The following CXXC1 variants were observed in gnomAD, a reference collection of about 807,000 sequenced individuals.
CXXC1 encodes CXXC-type zinc finger protein 1.
A neutral mutation model predicts 83.6 loss-of-function variants in CXXC1; 21 were observed. The observed-to-expected ratio is 0.25, with a 90% CI of 0.18 to 0.36. The LOEUF is 0.36. Ranked by LOEUF, CXXC1 falls within the 10% of genes least tolerant of loss-of-function variation. The pLI, the probability that CXXC1 is intolerant of heterozygous loss-of-function variation, is 1.00. For missense variants in CXXC1, 688 were observed against 919.5 expected, an observed-to-expected ratio of 0.75 and a Z score of 3.26; for synonymous variants, 371 against 337.5, an observed-to-expected ratio of 1.10 and a Z score of -1.09.
In CXXC1 at chr18:50,286,326, C is replaced by T. The variant is rs541931577; in HGVS notation, c.224-69G>A. The T allele has an allele frequency of 2.6e-5, 37 of 1,419,858 alleles. No homozygotes were observed. The African/African-American group carries it at 4.7e-4, about 18-fold the overall frequency. 88.0% of individuals were successfully genotyped at this position (1,419,858 alleles called of 1,614,324 possible). ...GCTTGAATGGTCCCAAAACCTCTTTCTTCCTCTTCGCTCCCTTACTGACCC... is the reference window on the plus strand; with the variant it reads ...GCTTGAATGGTCCCAAAACCTCTTTTTTCCTCTTCGCTCCCTTACTGACCC... On this transcript the variant is annotated intron_variant, in intron 3 of 14. Coordinates refer to ENST00000285106, the MANE Select transcript of CXXC1 (RefSeq NM_014593.4).
intron 13 of CXXC1, 113 bp downstream of exon 13, chr18:50,283,152 G>A (rs2040603366): frequency 7.1e-6 from 9 of 1,273,872 alleles, no homozygotes; most frequent in Non-Finnish European, 9.0e-6. Flanking sequence ...GAAGCAGCAG[G>A]GAAGCTGAGA....
chr18:50,282,575 G>C lies in CXXC1; in HGVS notation c.*18C>G. 1.2e-6 allele frequency: 2 copies of C among 1,604,346 alleles called. No individual in the cohort carries two copies. The highest frequency in any genetic ancestry group is 1.7e-6 in the Non-Finnish European group (2 of 1,179,872). On this transcript the variant is annotated 3_prime_UTR_variant, in exon 15 of 15. Transcript: ENST00000285106. This position sits in a 1 kb window ranked among gnomAD's most constrained non-coding sequence, Gnocchi z 5.8. ...CCCCATCTGGAATGCAGGGTGTAAG[G>C]GGTCCGGGCCAGGAGGCTCAGCGGT...
chr18:50,283,987 G>A lies in CXXC1; in HGVS notation c.1320C>T (p.Ala440=), dbSNP rs781322517. 4 of 1,613,578 alleles carry A rather than the reference G, an allele frequency of 2.5e-6. No homozygotes were observed. The highest frequency in any genetic ancestry group is 1.1e-5 in the South Asian group (1 of 91,076). The change falls in exon 10 of 15, where the codon GCC becomes GCT. Residue 440 remains alanine, a synonymous_variant. Coordinates refer to ENST00000285106, the MANE Select transcript of CXXC1 (RefSeq NM_014593.4). ...LERIRREQQS[A]RTRLQEMERR... ...GTTCCATTTCCTGAAGGCGAGTGCG[G>A]GCACTCTGCTGCTCTCGGCGAATGC...
chr18:50,283,483 C>T, intron 12 of CXXC1, 32 bp downstream of exon 12: 1 of 1,613,472 alleles, frequency 6.2e-7, no homozygotes, highest in Non-Finnish European at 8.5e-7. Flanking sequence ...GCCTTAACCC[C>T]CCACCTCTCA....
rs762294170 is a variant in CXXC1 at position 50,286,180 on chromosome 18, C to T, written c.301G>A (p.Glu101Lys). The T allele has an allele frequency of 3.1e-6, 5 of 1,613,718 alleles. No individual in the cohort carries two copies. The highest frequency in any genetic ancestry group is 2.7e-5 in the African/African-American group (2 of 74,902). The change falls in exon 4 of 15, where the codon GAG becomes AAG. Residue 101 changes from glutamate to lysine, a missense_variant. By Grantham distance (56) the Glu-to-Lys change is moderately conservative (BLOSUM62 1). Around this residue, in one of 9 missense-constraint regions of CXXC1, gnomAD observed 142 missense variants for 150.7 expected, o/e 0.94. Coordinates refer to ENST00000285106, the MANE Select transcript of CXXC1 (RefSeq NM_014593.4). ...CGCCCTCCACCCTCATCCCGGGGCT[C>T]ACTGCTGTCCCGCTCATTGCCATCC... ...ERDGNERDSSEPRDEGGGRKR... is the reference protein window; with the variant it reads ...ERDGNERDSSKPRDEGGGRKR...
rs545734812 is a variant in CXXC1 at position 50,285,582 on chromosome 18, A to C, written c.639+167T>G. On this transcript the variant is annotated intron_variant, in intron 5 of 14. Transcript: ENST00000285106. This position sits in a 1 kb window ranked among gnomAD's most constrained non-coding sequence, Gnocchi z 4.4. ...GGTGGGGGTGTTCTGCCAGCCCAGC[A>C]TACCAGGTCATGCCCCATTCATCTG... The C allele has an allele frequency of 4.9e-6, 5 of 1,023,506 alleles. No individual in the cohort carries two copies. In the East Asian group the frequency reaches 1.3e-4, roughly 26 times the overall value. 63.4% of individuals were successfully genotyped at this position (1,023,506 alleles called of 1,614,324 possible).
chr18:50,284,184 G>C, intron 9 of CXXC1, 83 bp from the exon 10 acceptor site: 5 of 1,498,666 alleles, frequency 3.3e-6, no homozygotes, highest in Non-Finnish European at 4.6e-6. Context: ...GGCAAAAGGA[G>C]AAGTAAATAG....
Position 50,285,463 on chromosome 18 carries a change from C to T in CXXC1, c.640-112G>A. ...CCTCCCCAGACACACCTCCCCGCTACCCCTCATTGCCAGGAATGCTCAGCC... is the reference window on the plus strand; with the variant it reads ...CCTCCCCAGACACACCTCCCCGCTATCCCTCATTGCCAGGAATGCTCAGCC... On this transcript the variant is annotated intron_variant, in intron 5 of 14. Transcript: ENST00000285106. The surrounding 1 kb of genome is among the most constrained non-coding windows in gnomAD (Gnocchi z 4.4). 3 of 1,294,182 alleles carry T rather than the reference C, an allele frequency of 2.3e-6. No individual in the cohort carries two copies. Among genetic ancestry groups the T allele is most frequent in the South Asian group, 3.0e-5 (2 of 66,856 alleles). The allele number at this position is 1,294,182 out of a possible 1,614,324, so 80.2% of individuals were successfully genotyped here.
chr18:50,286,414 C>T (rs1436804980), intron 3 of CXXC1, 125 bp downstream of exon 3: 4 of 1,066,100 alleles, frequency 3.8e-6, no homozygotes, highest in Non-Finnish European at 5.6e-6. Context: ...TCTTCTATTA[C>T]TCACAATGGA....
chr18:50,285,618 G>T lies in CXXC1; in HGVS notation c.639+131C>A. On this transcript the variant is annotated intron_variant, in intron 5 of 14. Coordinates refer to ENST00000285106, the MANE Select transcript of CXXC1 (RefSeq NM_014593.4). The surrounding 1 kb of genome is among the most constrained non-coding windows in gnomAD (Gnocchi z 4.4). The stretch of plus-strand genomic sequence containing the variant: ...TGCCCCATTCATCTGGACATGACAG[G>T]CCCCTTCCCACCTGTCAGGATACAG... 1 of 1,216,040 alleles carries T rather than the reference G, an allele frequency of 8.2e-7. No individual in the cohort carries two copies. The highest frequency in any genetic ancestry group is 1.2e-6 in the Non-Finnish European group (1 of 860,906). The allele number at this position is 1,216,040 out of a possible 1,614,324, so 75.3% of individuals were successfully genotyped here.
rs763612190 is a variant in CXXC1, at chr18:50,283,711, G to A, written c.1518C>T (p.Tyr506=). 35 of 1,613,964 alleles carry A rather than the reference G, an allele frequency of 2.2e-5. No homozygotes were observed. The highest frequency in any genetic ancestry group is 8.3e-5 in the Admixed American group (5 of 60,004). ...CTCAGTCTGACACCCCAACCTTGGC[G>A]TAGCAGCGCTCCATGTGGCGCAAGG... ...RVALRHMERC[Y]AKYESQTSFG... The change falls in exon 11 of 15, where the codon TAC becomes TAT. Residue 506 remains tyrosine, a synonymous_variant. Coordinates refer to ENST00000285106, the MANE Select transcript of CXXC1 (RefSeq NM_014593.4).
chr18:50,282,563 GC>G lies in CXXC1; in HGVS notation c.*29del. On this transcript the variant is annotated 3_prime_UTR_variant, in exon 15 of 15. Transcript: ENST00000285106. This position sits in a 1 kb window ranked among gnomAD's most constrained non-coding sequence, Gnocchi z 5.8. Reference sequence around the variant, plus strand: ...ACCGGGCGGCTCCCCCATCTGGAATGCAGGGTGTAAGGGGTCCGGGCCAGGA... The same window carrying G: ...ACCGGGCGGCTCCCCCATCTGGAATGAGGGTGTAAGGGGTCCGGGCCAGGA... 1 of 1,600,960 alleles carries G rather than the reference GC, an allele frequency of 6.2e-7. No homozygotes were observed. Among genetic ancestry groups the G allele is most frequent in the South Asian group, 1.1e-5 (1 of 91,016 alleles).
At position 50,285,414 on chromosome 18, in the gene CXXC1, C is replaced by A. The variant is rs2040698230; in HGVS notation, c.640-63G>T. 6.5e-7 allele frequency: 1 copy of A among 1,531,784 alleles called. No homozygotes were observed. The highest frequency in any genetic ancestry group is 2.3e-5 in the East Asian group (1 of 44,116). The allele number at this position is 1,531,784 out of a possible 1,614,324, so 94.9% of individuals were successfully genotyped here. A position where few individuals can be genotyped will look rare whatever the true frequency, so the allele number is the denominator to read the frequency against. On this transcript the variant is annotated intron_variant, in intron 5 of 14. Coordinates refer to ENST00000285106, the MANE Select transcript of CXXC1 (RefSeq NM_014593.4). The surrounding 1 kb of genome is among the most constrained non-coding windows in gnomAD (Gnocchi z 4.4). ...TGGATGGAGGGCGGCCTTGCCCTAG[C>A]CCTACCCACCTGGCCTGGCCTTACC...
Position 50,285,553 on chromosome 18 carries a change from G to T in CXXC1, c.639+196C>A, listed in dbSNP as rs200333892. Reference sequence around the variant, plus strand: ...ACCTGGCCCCACTCTGTCTACCCAGGGTTGGTGGGGGTGTTCTGCCAGCCC... The same window carrying T: ...ACCTGGCCCCACTCTGTCTACCCAGTGTTGGTGGGGGTGTTCTGCCAGCCC... On this transcript the variant is annotated intron_variant, in intron 5 of 14. Coordinates refer to ENST00000285106, the MANE Select transcript of CXXC1 (RefSeq NM_014593.4). The surrounding 1 kb of genome is among the most constrained non-coding windows in gnomAD (Gnocchi z 4.4). The T allele has an allele frequency of 1.1e-6, 1 of 941,416 alleles. No individual in the cohort carries two copies. The highest frequency in any genetic ancestry group is 1.6e-6 in the Non-Finnish European group (1 of 636,760). The allele number at this position is 941,416 out of a possible 1,614,324, so 58.3% of individuals were successfully genotyped here. A position where few individuals can be genotyped will look rare whatever the true frequency, so the allele number is the denominator to read the frequency against.
At chr18:50,286,668 T>C in intron 2 of CXXC1, 29 bp from the exon 3 acceptor site, 1 of 1,612,134 alleles carries the variant, frequency 6.2e-7, no homozygotes, top group South Asian at 1.1e-5. Flanking sequence ...GCGATGGAGA[T>C]GTGAGGGGCG....
chr18:50,282,378 C>G lies in CXXC1; in HGVS notation c.*215G>C. On this transcript the variant is annotated 3_prime_UTR_variant, in exon 15 of 15. Coordinates refer to ENST00000285106, the MANE Select transcript of CXXC1 (RefSeq NM_014593.4). This position sits in a 1 kb window ranked among gnomAD's most constrained non-coding sequence, Gnocchi z 5.8. The stretch of plus-strand genomic sequence containing the variant: ...TCTTCAAAATTTTATTAACAAAACC[C>G]AGGGAGAGGAGGCAAGGATGAGTGG... 1 of 609,954 alleles carries G rather than the reference C, an allele frequency of 1.6e-6. No individual in the cohort carries two copies. Among genetic ancestry groups the G allele is most frequent in the South Asian group, 2.1e-5 (1 of 48,444 alleles). The allele number at this position is 609,954 out of a possible 1,614,324, so 37.8% of individuals were successfully genotyped here.
In CXXC1 at chr18:50,285,022, C is replaced by T. The variant is rs2040690428; in HGVS notation, c.892G>A (p.Ala298Thr). The change falls in exon 7 of 15, where the codon GCC becomes ACC. Residue 298 changes from alanine (A) to threonine (T), a missense_variant. This residue lies in a region of CXXC1 where 190 missense variants were observed against 199.7 expected (regional missense o/e 0.95). Transcript: ENST00000285106. This position sits in a 1 kb window ranked among gnomAD's most constrained non-coding sequence, Gnocchi z 4.4. ...PDLYQDFCAG[A>T]FDDHGLPWMS... ...CTCACCAGGCCATGGTCATCAAAGGCCCCTGCACAGAAGTCCTGATACAGG... is the reference window on the plus strand; with the variant it reads ...CTCACCAGGCCATGGTCATCAAAGGTCCCTGCACAGAAGTCCTGATACAGG... 1.2e-6 allele frequency: 2 copies of T among 1,614,106 alleles called. No homozygotes were observed. The highest frequency in any genetic ancestry group is 1.3e-5 in the African/African-American group (1 of 74,936).
In CXXC1 at chr18:50,285,230, G is replaced by T; in HGVS notation, c.684C>A (p.Pro228=). 6.2e-7 allele frequency: 1 copy of T among 1,614,170 alleles called. No individual in the cohort carries two copies. The highest frequency in any genetic ancestry group is 8.5e-7 in the Non-Finnish European group (1 of 1,180,010). Residue 228 remains proline, a synonymous_variant, in exon 7 of 15, where the codon CCC becomes CCA. Transcript: ENST00000285106. The surrounding 1 kb of genome is among the most constrained non-coding windows in gnomAD (Gnocchi z 4.4). ...YFPSSLSPVT[P]SESLPRPRRP... ...GGCGGGGCCTTGGCAGGGACTCTGAGGGCGTCACTGGTGAGAGCTGCAGGG... is the reference window on the plus strand; with the variant it reads ...GGCGGGGCCTTGGCAGGGACTCTGATGGCGTCACTGGTGAGAGCTGCAGGG...
chr18:50,285,538 A>C lies in CXXC1; in HGVS notation c.640-187T>G, dbSNP rs2040700069. On this transcript the variant is annotated intron_variant, in intron 5 of 14. Coordinates refer to ENST00000285106, the MANE Select transcript of CXXC1 (RefSeq NM_014593.4). This position sits in a 1 kb window ranked among gnomAD's most constrained non-coding sequence, Gnocchi z 4.4. ...TGACCACCTGAAAACACCTGGCCCC[A>C]CTCTGTCTACCCAGGGTTGGTGGGG... 2.1e-6 allele frequency: 2 copies of C among 948,688 alleles called. No individual in the cohort carries two copies. Among genetic ancestry groups the C allele is most frequent in the Admixed American group, 2.8e-5 (1 of 35,114 alleles). The allele number at this position is 948,688 out of a possible 1,614,324, so 58.8% of individuals were successfully genotyped here. A position where few individuals can be genotyped will look rare whatever the true frequency, so the allele number is the denominator to read the frequency against.
Sources: gnomAD v4.1 joint callset for allele counts on GRCh38, gnomAD v4.1.1 for gene constraint, gnomAD v4.1.1 regional missense constraint, Gnocchi (gnomAD v3.1) non-coding constraint, MANE v1.5 for transcripts, NCBI Gene and HGNC (gene_info 2026-07-23, HGNC 2026-07-21) for gene names.